Variants in FKBP6 observed in about 807,000 individuals in gnomAD.
FKBP6 encodes the protein FKBP prolyl isomerase family member 6 (inactive).
Under a neutral mutation model 41.7 loss-of-function variants are expected in FKBP6, and 29 were observed. The observed-to-expected ratio is 0.70, with a 90% CI of 0.52 to 0.95. The LOEUF is 0.95. Ranked by LOEUF, FKBP6 falls within the 40% of genes least tolerant of loss-of-function variation. The pLI, the probability that FKBP6 is intolerant of heterozygous loss-of-function variation, is 0.00. For synonymous variants in FKBP6, 130 were observed against 165.1 expected, an observed-to-expected ratio of 0.79 and a Z score of 1.63; for missense variants, 338 against 408.7, an observed-to-expected ratio of 0.83 and a Z score of 1.49.
At chr7:73,329,614 A>G (rs1804769710) in intron 3 of FKBP6, 165 bp downstream of exon 3, 6 of 666,758 alleles carry the variant, frequency 9.0e-6, no homozygotes, top group Non-Finnish European at 1.6e-5. Context: ...AGACCTAGGC[A>G]TTTGGGAGAT....
chr7:73,338,167 A>G (rs1805065788), intron 5 of FKBP6, among the ~76,000 whole-genome samples: 1 of 152,160 alleles, frequency 6.6e-6, no homozygotes, highest in Admixed American at 6.5e-5. Context: ...CTGGGATTAC[A>G]GGCACCTGCC....
At chr7:73,335,195 A>C (rs1311333986) in intron 5 of FKBP6, among the ~76,000 whole-genome samples, 1 of 151,528 alleles carries the variant, frequency 6.6e-6, no homozygotes, top group Admixed American at 6.6e-5. Context: ...GCTGGGAGGC[A>C]GGAGGCCACC....
intron 8 of FKBP6, among the ~76,000 whole-genome samples, chr7:73,350,618 G>C (rs940241214): frequency 6.6e-6 from 1 of 152,056 alleles, no homozygotes; most frequent in Admixed American, 6.6e-5. Flanking sequence ...GCCAGCCTTG[G>C]GGAAAGAGGA....
chr7:73,347,837 GTCTCACC>G (rs1289541217), intron 8 of FKBP6, among the ~76,000 whole-genome samples: 3 of 152,104 alleles, frequency 2.0e-5, no homozygotes, highest in Non-Finnish European at 2.9e-5. Flanking sequence ...TTGCGACAGG[GTCTCACC>G]ATGTTGCCCA....
intron 7 of FKBP6, 68 bp downstream of exon 7, chr7:73,341,450 C>CG: frequency 1.0e-6 from 1 of 972,754 alleles, no homozygotes; most frequent in South Asian, 1.3e-5. Context: ...TCCCCCCACC[C>CG]CCCCCAACAA....
chr7:73,356,780 T>A (rs1241588079), intron 8 of FKBP6, among the ~76,000 whole-genome samples: 1 of 152,210 alleles, frequency 6.6e-6, no homozygotes, highest in Non-Finnish European at 1.5e-5. Flanking sequence ...CTCTTGTATC[T>A]TTTTTGTTTC....
rs1563308143 is a variant in FKBP6, at chr7:73,328,479, C to T, written c.51C>T (p.Pro17=). The part of the protein sequence containing the change: ...NQGVLEGDDA[P]GQSLYERLSQ... Reference sequence around the variant, plus strand: ...GAGTCCTGGAAGGGGACGACGCCCCCGGCCAGGTGAGGGCCCAGACGTTTC... The same window carrying T: ...GAGTCCTGGAAGGGGACGACGCCCCTGGCCAGGTGAGGGCCCAGACGTTTC... Residue 17 remains proline, a synonymous_variant, in exon 1 of 9, where the codon CCC becomes CCT. Transcript: ENST00000252037. The T allele has an allele frequency of 5.8e-6, 9 of 1,553,686 alleles. No individual in the cohort carries two copies. The East Asian group carries it at 2.2e-4, about 37-fold the overall frequency.
At chr7:73,347,858 T>C (rs1805377459) in intron 8 of FKBP6, among the ~76,000 whole-genome samples, 1 of 152,200 alleles carries the variant, frequency 6.6e-6, no homozygotes, top group Non-Finnish European at 1.5e-5. Context: ...TTGCCCAGGC[T>C]GGTCTGGAAC....
At chr7:73,336,587 T>C (rs1428360331) in intron 5 of FKBP6, among the ~76,000 whole-genome samples, 1 of 152,134 alleles carries the variant, frequency 6.6e-6, no homozygotes, top group African/African-American at 2.4e-5. Flanking sequence ...GTCACTTTGG[T>C]AGTTTGAAAT....
At chr7:73,331,479 A>C (rs1253320417) in intron 4 of FKBP6, among the ~76,000 whole-genome samples, 178 bp from the exon 5 acceptor site, 1 of 152,210 alleles carries the variant, frequency 6.6e-6, no homozygotes, top group East Asian at 1.9e-4. Flanking sequence ...GAAAAAGAAG[A>C]GCTCACAGCT....
rs567653067 is a variant in FKBP6, at chr7:73,351,092, T to A, written c.*3-7089T>A. Among the ~76,000 whole-genome samples, 6 of 152,308 alleles carry A rather than the reference T, an allele frequency of 3.9e-5. No homozygotes were observed. In the East Asian group the frequency reaches 1.2e-3, roughly 29 times the overall value. ...TTTGTAATTATTTTTTTTTCCTTAA[T>A]TTTTTTAGATGGAGTCTTGCTCTGT... On this transcript the variant is annotated intron_variant, in intron 8 of 8. Coordinates refer to ENST00000252037, the MANE Select transcript of FKBP6 (RefSeq NM_003602.5).
At chr7:73,354,749 A>G (rs2115986239) in intron 8 of FKBP6, among the ~76,000 whole-genome samples, 1 of 152,260 alleles carries the variant, frequency 6.6e-6, no homozygotes, top group South Asian at 2.1e-4. Flanking sequence ...CATAACTTTG[A>G]TCAGTGTTTT....
Position 73,340,735 on chromosome 7 carries a change from AC to A in FKBP6, c.688del (p.Leu230Ter). 1.9e-6 allele frequency: 3 copies of A among 1,613,744 alleles called. No individual in the cohort carries two copies. The highest frequency in any genetic ancestry group is 1.7e-6 in the Non-Finnish European group (2 of 1,179,920). ...GTTCTCCTGAACCTGTCCTTTACAT[AC>A]CTGAAGCTAGACCGACCCACCATAG... ...LPVLLNLSFT[Y>X]LKLDRPTIAL... On this transcript the variant is annotated frameshift_variant, in exon 6 of 9. Transcript: ENST00000252037. LOFTEE classifies it high-confidence loss of function.
At chr7:73,341,232 T>C (rs1554549499) in intron 6 of FKBP6, 41 bp from the exon 7 acceptor site, 1 of 1,387,012 alleles carries the variant, frequency 7.2e-7, no homozygotes, top group South Asian at 1.2e-5. Flanking sequence ...CCAAATGATA[T>C]CTTTTCTAAC....
At chr7:73,341,632 TAAAC>T (rs5884906) in intron 7 of FKBP6, among the ~76,000 whole-genome samples, 75,173 of 149,152 alleles carry the variant, frequency 0.5, 20,106 homozygotes, top group Non-Finnish European at 0.59. Context: ...CTACCGCAAA[TAAAC>T]AACCCCTAGA....
intron 5 of FKBP6, among the ~76,000 whole-genome samples, chr7:73,339,452 T>C (rs1241066340): frequency 6.6e-6 from 1 of 152,230 alleles, no homozygotes; most frequent in Admixed American, 6.5e-5. Context: ...CTTATGCCGG[T>C]GCTACACTGG....
intron 8 of FKBP6, among the ~76,000 whole-genome samples, chr7:73,353,240 G>A (rs747607887): frequency 6.6e-6 from 1 of 152,010 alleles, no homozygotes; most frequent in Non-Finnish European, 1.5e-5. Flanking sequence ...CAAGATAATC[G>A]CCCAGCTCAA....
intron 8 of FKBP6, among the ~76,000 whole-genome samples, chr7:73,346,096 C>T (rs1224902098): frequency 6.6e-6 from 1 of 152,158 alleles, no homozygotes; most frequent in Non-Finnish European, 1.5e-5. Flanking sequence ...TCAAAAAACA[C>T]CACCCGAGGA....
intron 8 of FKBP6, among the ~76,000 whole-genome samples, chr7:73,353,506 C>G (rs1337088264): frequency 6.6e-6 from 1 of 152,176 alleles, no homozygotes; most frequent in Non-Finnish European, 1.5e-5. Flanking sequence ...CATTTCCTTT[C>G]TCGTGCTCCC....
Sources: gnomAD v4.1 joint callset for allele counts (sites outside exome capture counted in the v4.1 genomes callset) on GRCh38, gnomAD v4.1.1 for gene constraint, MANE v1.5 for transcripts, NCBI Gene and HGNC (gene_info 2026-07-23, HGNC 2026-07-21) for gene names.